Variants in LCK observed in about 807,000 individuals in gnomAD.
LCK encodes LCK proto-oncogene, Src family tyrosine kinase, also known as tyrosine-protein kinase Lck.
A neutral mutation model predicts 64.6 loss-of-function variants in LCK; 14 were observed. The ratio of observed to expected loss-of-function variants is 0.22; its 90% CI spans 0.14 to 0.34. The LOEUF (loss-of-function observed/expected upper bound fraction) is 0.34. LCK is among the 10% of genes least tolerant of loss of function. The probability of loss-of-function intolerance (pLI) is 1.00; values close to 1 mark genes in which losing one functional copy is unlikely to be tolerated. For synonymous variants in LCK, 277 were observed against 263.6 expected, an observed-to-expected ratio of 1.05 and a Z score of -0.49; for missense variants, 434 against 668.1, an observed-to-expected ratio of 0.65 and a Z score of 3.86.
chr1:32,281,275 A>AC (rs1640450250), intron 12 of LCK, among the ~76,000 whole-genome samples: 2 of 151,112 alleles, frequency 1.3e-5, no homozygotes, highest in Non-Finnish European at 2.9e-5. Context: ...CTCTACAAAA[A>AC]AAAAAAAACA....
rs148667482 is a variant in LCK, at chr1:32,280,769, G to A, written c.1327+559G>A. 2.8e-3 allele frequency among the ~76,000 whole-genome samples: 421 copies of A among 152,178 alleles called. 1 individual carries two copies. Among genetic ancestry groups the A allele is most frequent in the African/African-American group, 9.9e-3 (412 of 41,530 alleles). ...CACCCGGCCCCAGCTCTTTTCTTTA[G>A]TTCTGGCCCAGGCAGCCTGGTATGG... On this transcript the variant is annotated intron_variant, in intron 12 of 12. Coordinates refer to ENST00000336890, the MANE Select transcript of LCK (RefSeq NM_005356.5).
chr1:32,258,301 AAGAG>A (rs376270776), intron 1 of LCK, among the ~76,000 whole-genome samples: 2 of 150,436 alleles, frequency 1.3e-5, no homozygotes, highest in Admixed American at 1.3e-4. Context: ...AAAAAAAAAA[AAGAG>A]AGAGAGCGGA....
At chr1:32,254,224 A>C (rs1358143942) in intron 1 of LCK, among the ~76,000 whole-genome samples, 1 of 152,148 alleles carries the variant, frequency 6.6e-6, no homozygotes, top group African/African-American at 2.4e-5. Flanking sequence ...TTCTGTCTCT[A>C]AAAAATAAAC....
rs148681600 is a variant in LCK, at chr1:32,263,402, A to AAAATAAAT, written c.-5-10883_-5-10876dup. 3.6e-3 allele frequency among the ~76,000 whole-genome samples: 502 copies of AAAATAAAT among 141,104 alleles called. 1 individual carries two copies. Among genetic ancestry groups the AAAATAAAT allele is most frequent in the Middle Eastern group, 0.011 (3 of 272 alleles). The allele number at this position is 141,104 out of a possible 152,430, so 92.6% of individuals were successfully genotyped here. The stretch of plus-strand genomic sequence containing the variant: ...AGGAAGACTCCGTCTCAAAATAAAT[A>AAAATAAAT]AAATAAATAAATAAATAAATAAATA... On this transcript the variant is annotated intron_variant, in intron 1 of 12. Coordinates refer to ENST00000336890, the MANE Select transcript of LCK (RefSeq NM_005356.5).
At chr1:32,254,204 C>T (rs958236754) in intron 1 of LCK, among the ~76,000 whole-genome samples, 1 of 152,108 alleles carries the variant, frequency 6.6e-6, no homozygotes, top group Non-Finnish European at 1.5e-5. Context: ...GCCTGGGTGA[C>T]ACAGCTAGAT....
At position 32,266,573 on chromosome 1, in the gene LCK, A is replaced by G. The variant is rs139046010; in HGVS notation, c.-5-7752A>G. Among the ~76,000 whole-genome samples, 466 of 147,652 alleles carry G rather than the reference A, an allele frequency of 3.2e-3. 3 individuals are homozygous for G. Among genetic ancestry groups the G allele is most frequent in the African/African-American group, 0.011 (414 of 39,220 alleles). ...AGGGCTGAGATTATAGGCCTGAGCT[A>G]CTACGCCCTTTCTTCCTCCTCCTCC... On this transcript the variant is annotated intron_variant, in intron 1 of 12. Coordinates refer to ENST00000336890, the MANE Select transcript of LCK (RefSeq NM_005356.5).
chr1:32,263,482 A>C (rs1361166337), intron 1 of LCK, among the ~76,000 whole-genome samples: 2 of 152,036 alleles, frequency 1.3e-5, no homozygotes, highest in African/African-American at 4.8e-5. Flanking sequence ...CATGCCTGCC[A>C]TCCCAACACT....
At chr1:32,258,886 G>A (rs1386047039) in intron 1 of LCK, among the ~76,000 whole-genome samples, 3 of 151,534 alleles carry the variant, frequency 2.0e-5, no homozygotes, top group African/African-American at 7.3e-5. Context: ...ATCCAGGCGT[G>A]GTGTTGCCCA....
chr1:32,275,237 T>A lies in LCK; in HGVS notation c.279-84T>A. The A allele has an allele frequency of 6.6e-7, 1 of 1,513,610 alleles. No homozygotes were observed. Among genetic ancestry groups the A allele is most frequent in the Non-Finnish European group, 9.2e-7 (1 of 1,091,318 alleles). 93.8% of individuals were successfully genotyped at this position (1,513,610 alleles called of 1,614,324 possible). On this transcript the variant is annotated intron_variant, in intron 4 of 12. Coordinates refer to ENST00000336890, the MANE Select transcript of LCK (RefSeq NM_005356.5). This position sits in a 1 kb window ranked among gnomAD's most constrained non-coding sequence, Gnocchi z 6.9. The stretch of plus-strand genomic sequence containing the variant: ...TTGCTGAGCCAGGGTTGGGGGAGGC[T>A]GGCTTAAGGGGTGGAGGGGTCTTTG...
In LCK at chr1:32,275,373, A is replaced by G; in HGVS notation, c.331A>G (p.Ile111Val). 1.2e-6 allele frequency: 2 copies of G among 1,614,162 alleles called. No homozygotes were observed. The highest frequency in any genetic ancestry group is 1.7e-6 in the Non-Finnish European group (2 of 1,180,016). ...QSLTTGQEGF[I>V]PFNFVAKANS... ...CCTGACCACGGGCCAGGAAGGCTTCATCCCCTTCAATTTTGTGGCCAAAGC... is the reference window on the plus strand; with the variant it reads ...CCTGACCACGGGCCAGGAAGGCTTCGTCCCCTTCAATTTTGTGGCCAAAGC... Residue 111 changes from isoleucine (I) to valine (V), a missense_variant, in exon 5 of 13, where the codon ATC becomes GTC. This residue lies in a region of LCK where 233 missense variants were observed against 291.2 expected (regional missense o/e 0.80). Transcript: ENST00000336890. The surrounding 1 kb of genome is among the most constrained non-coding windows in gnomAD (Gnocchi z 6.9).
chr1:32,277,424 G>T (rs1379074461), intron 9 of LCK, among the ~76,000 whole-genome samples: 1 of 152,006 alleles, frequency 6.6e-6, no homozygotes, highest in Admixed American at 6.6e-5. Flanking sequence ...TGGGTCCCTA[G>T]CCCTGTTTCT....
intron 1 of LCK, among the ~76,000 whole-genome samples, chr1:32,255,446 G>A (rs907295202): frequency 1.3e-5 from 2 of 152,214 alleles, no homozygotes; most frequent in Non-Finnish European, 2.9e-5. Flanking sequence ...TTGCCATGGT[G>A]TATGCGGGAT....
chr1:32,268,277 CT>C (rs1278494367), intron 1 of LCK, among the ~76,000 whole-genome samples: 1 of 152,008 alleles, frequency 6.6e-6, no homozygotes, highest in African/African-American at 2.4e-5. Context: ...TGTTGGGCTT[CT>C]TTTCAAAACT....
intron 3 of LCK, 26 bp from the exon 4 acceptor site, chr1:32,274,967 C>A (rs1453979021): frequency 6.2e-7 from 1 of 1,614,114 alleles, no homozygotes; most frequent in African/African-American, 1.3e-5. Flanking sequence ...CAGCTCGGTT[C>A]TCCCTGATGC....
chr1:32,280,334 T>A, intron 12 of LCK, 124 bp downstream of exon 12: 1 of 1,291,392 alleles, frequency 7.7e-7, no homozygotes, highest in Non-Finnish European at 1.1e-6. Flanking sequence ...TTCTCAGGGG[T>A]ATGAGTCCAA....
rs763977216 is a variant in LCK, at chr1:32,274,351, C to T, written c.22C>T (p.His8Tyr). The stretch of plus-strand genomic sequence containing the variant: ...GACCATGGGCTGTGGCTGCAGCTCA[C>T]ACCCGGAAGATGACTGGATGGAAAA... MGCGCSS[H>Y]PEDDWMENID... The change falls in exon 2 of 13, where the codon CAC becomes TAC. Residue 8 changes from histidine to tyrosine, a missense_variant. His to Tyr is a moderately conservative substitution (Grantham distance 83). Transcript: ENST00000336890. 2 of 1,614,164 alleles carry T rather than the reference C, an allele frequency of 1.2e-6. No homozygotes were observed. The highest frequency in any genetic ancestry group is 1.7e-6 in the Non-Finnish European group (2 of 1,180,000).
chr1:32,263,519 T>TTGAGCC (rs1484701700), intron 1 of LCK, among the ~76,000 whole-genome samples: 2 of 152,104 alleles, frequency 1.3e-5, no homozygotes, highest in South Asian at 2.1e-4. Flanking sequence ...GGAGGACTGC[T>TTGAGCC]TGAGCCCATG....
At chr1:32,279,109 T>C (rs1451326756) in intron 9 of LCK, among the ~76,000 whole-genome samples, 2 of 152,218 alleles carry the variant, frequency 1.3e-5, no homozygotes, top group Non-Finnish European at 2.9e-5. Flanking sequence ...TAGTTACAGC[T>C]ACTGGGGAAA....
chr1:32,281,283 A>C (rs1352764858), intron 12 of LCK, among the ~76,000 whole-genome samples: 6 of 150,852 alleles, frequency 4.0e-5, no homozygotes, highest in Middle Eastern at 3.2e-3. Context: ...AAAAAAAAAA[A>C]CAAACAAACA....
Sources: allele counts gnomAD v4.1 joint callset (sites outside exome capture counted in the v4.1 genomes callset), GRCh38; gene constraint gnomAD v4.1.1; regional missense constraint gnomAD v4.1.1; non-coding constraint Gnocchi (gnomAD v3.1); transcripts MANE v1.5; gene names NCBI Gene and HGNC (gene_info 2026-07-23, HGNC 2026-07-21).